DHRSX: variants seen among roughly 807,000 people sequenced by gnomAD.
The protein encoded by DHRSX is polyprenol dehydrogenase.
Under a neutral mutation model 34.0 loss-of-function variants are expected in DHRSX, and 31 were observed. The ratio of observed to expected loss-of-function variants is 0.91; its 90% CI spans 0.69 to 1.23. DHRSX has a LOEUF of 1.23. DHRSX is among the 50% of genes most tolerant of loss of function. DHRSX has a pLI of 0.00. For missense variants in DHRSX, 414 were observed against 428.1 expected, an observed-to-expected ratio of 0.97 and a Z score of 0.29; for synonymous variants, 201 against 183.8, an observed-to-expected ratio of 1.09 and a Z score of -0.76.
At chrX:2,269,928 C>T (rs1418174502) in intron 4 of DHRSX, among the ~76,000 whole-genome samples, 1 of 152,084 alleles carries the variant, frequency 6.6e-6, no homozygotes, top group East Asian at 1.9e-4. Flanking sequence ...ATCTGCATAG[C>T]GTACATCTTT....
At chrX:2,242,954 G>C (rs1448341426) in intron 6 of DHRSX, 69 bp downstream of exon 6, 1 of 1,501,026 alleles carries the variant, frequency 6.7e-7, no homozygotes, top group Non-Finnish European at 9.1e-7. Flanking sequence ...TTGGGGTCTG[G>C]ACTGGGGACC....
At chrX:2,403,020 C>G (rs2043506627) in intron 3 of DHRSX, among the ~76,000 whole-genome samples, 1 of 151,430 alleles carries the variant, frequency 6.6e-6, no homozygotes, top group South Asian at 2.1e-4. Flanking sequence ...GTAGCTGGGA[C>G]TACAGGTGTG....
intron 3 of DHRSX, among the ~76,000 whole-genome samples, chrX:2,346,201 C>A (rs2042708573): frequency 6.6e-6 from 1 of 151,820 alleles, no homozygotes; most frequent in Admixed American, 6.6e-5. Context: ...CAAAACCAGG[C>A]ATCTCACTCC....
At chrX:2,310,565 AGAGAGAGAGAGAGG>A (rs1282003840) in intron 3 of DHRSX, among the ~76,000 whole-genome samples, 1 of 140,022 alleles carries the variant, frequency 7.1e-6, no homozygotes, top group Non-Finnish European at 1.5e-5. Flanking sequence ...TGTGTGTGAG[AGAGAGAGAGAGAGG>A]GAGAGAGAGA....
intron 1 of DHRSX, among the ~76,000 whole-genome samples, chrX:2,427,388 A>T (rs748436032): frequency 6.6e-6 from 1 of 152,322 alleles, no homozygotes; most frequent in African/African-American, 2.4e-5. Flanking sequence ...TATGTTTCAC[A>T]GGAAGGAATA....
At chrX:2,437,692 AGAGAGAGT>A (rs1225144442) in intron 1 of DHRSX, among the ~76,000 whole-genome samples, 158 of 79,654 alleles carry the variant, frequency 2.0e-3, no homozygotes, top group Non-Finnish European at 3.5e-3. Flanking sequence ...AGAGAGAGAG[AGAGAGAGT>A]GTGTGTGTGT....
At chrX:2,304,244 AATGGATGG>A (rs1223527133) in intron 3 of DHRSX, among the ~76,000 whole-genome samples, 2 of 32,782 alleles carry the variant, frequency 6.1e-5, no homozygotes, top group Non-Finnish European at 1.2e-4. Context: ...TGGATGGATA[AATGGATGG>A]ATGGATGGGT....
chrX:2,225,049 TCA>T (rs200016662), intron 6 of DHRSX, among the ~76,000 whole-genome samples: 4,110 of 142,912 alleles, frequency 0.029, 131 homozygotes, highest in African/African-American at 0.091. Flanking sequence ...ACACATGCAT[TCA>T]CATTTACATA....
intron 4 of DHRSX, among the ~76,000 whole-genome samples, chrX:2,273,692 G>A (rs911176161): frequency 1.2e-4 from 19 of 152,260 alleles, no homozygotes; most frequent in East Asian, 3.9e-4. Context: ...ATGAGTACCC[G>A]CTGTGTACCT....
At chrX:2,480,370 T>C (rs910989215) in intron 1 of DHRSX, among the ~76,000 whole-genome samples, 9 of 150,796 alleles carry the variant, frequency 6.0e-5, no homozygotes, top group African/African-American at 2.2e-4. Flanking sequence ...TCATGAAGTG[T>C]TTGTCAAAGA....
At chrX:2,431,391 AAGTTT>A (rs2043921061) in intron 1 of DHRSX, among the ~76,000 whole-genome samples, 1 of 151,940 alleles carries the variant, frequency 6.6e-6, no homozygotes, top group Admixed American at 6.6e-5. Flanking sequence ...ACAGACACCT[AAGTTT>A]GATTCCATGT....
At chrX:2,490,118 C>CA in intron 1 of DHRSX, 1 of 1,613,946 alleles carries the variant, frequency 6.2e-7, no homozygotes, top group Non-Finnish European at 8.5e-7. Flanking sequence ...CTCACTCCTC[C>CA]ACATGTCGGT....
intron 3 of DHRSX, among the ~76,000 whole-genome samples, chrX:2,391,727 A>G (rs1185571419): frequency 1.3e-5 from 2 of 152,124 alleles, no homozygotes; most frequent in Non-Finnish European, 2.9e-5. Context: ...GGAGTTCGAG[A>G]CCAGCCTGAC....
At chrX:2,243,930 C>T (rs542154078) in intron 5 of DHRSX, among the ~76,000 whole-genome samples, 9 of 149,012 alleles carry the variant, frequency 6.0e-5, no homozygotes, top group Admixed American at 2.0e-4. Flanking sequence ...TCACCACGCC[C>T]GGCTAATTTT....
intron 4 of DHRSX, among the ~76,000 whole-genome samples, chrX:2,272,542 A>G (rs979221759): frequency 1.3e-5 from 2 of 152,148 alleles, no homozygotes; most frequent in African/African-American, 4.8e-5. Context: ...GTGACTTCCA[A>G]AGTTGGGTCA....
chrX:2,474,712 C>G lies in DHRSX; in HGVS notation c.109+26105G>C, dbSNP rs760668703. 9.6e-4 allele frequency among the ~76,000 whole-genome samples: 143 copies of G among 148,248 alleles called. 2 individuals carry two copies. The highest frequency in any genetic ancestry group is 1.5e-3 in the Non-Finnish European group (103 of 66,834). On this transcript the variant is annotated intron_variant, in intron 1 of 6. Coordinates refer to ENST00000334651, the MANE Select transcript of DHRSX (RefSeq NM_145177.3). The stretch of plus-strand genomic sequence containing the variant: ...TTCCCTAAGTGTGTGGCTAAGGGAC[C>G]TCTGCCATGTACACACTGAAGACGT...
chrX:2,240,102 G>A (rs1467308868), intron 6 of DHRSX, among the ~76,000 whole-genome samples: 1 of 152,000 alleles, frequency 6.6e-6, no homozygotes, highest in Non-Finnish European at 1.5e-5. Flanking sequence ...AGACCAGCCT[G>A]GGCAACATAA....
intron 3 of DHRSX, among the ~76,000 whole-genome samples, chrX:2,366,901 G>A (rs772151564): frequency 2.0e-5 from 3 of 151,876 alleles, no homozygotes; most frequent in African/African-American, 7.3e-5. Context: ...TGGATCATTC[G>A]TGTGTACAAT....
At chrX:2,265,625 C>T (rs2041447247) in intron 5 of DHRSX, among the ~76,000 whole-genome samples, 3 of 122,510 alleles carry the variant, frequency 2.4e-5, no homozygotes, top group South Asian at 2.5e-4. Flanking sequence ...AGCACTGTAC[C>T]CAGAGCACCA....
Sources: allele counts gnomAD v4.1 joint callset (sites outside exome capture counted in the v4.1 genomes callset), GRCh38; gene constraint gnomAD v4.1.1; transcripts MANE v1.5; gene names NCBI Gene and HGNC (gene_info 2026-07-23, HGNC 2026-07-21).